The following TGDS variants were observed in gnomAD, a reference collection of about 807,000 sequenced individuals.
TGDS encodes TDP-glucose 4,6-dehydratase.
TGDS carries 47 observed loss-of-function variants against 52.3 expected under a neutral mutation model. The observed-to-expected ratio is 0.90, with a 90% CI of 0.71 to 1.15. TGDS has a LOEUF of 1.15. Among genes scored for constraint, TGDS ranks in the 50% most tolerant of loss-of-function variants. TGDS has a pLI of 0.00. For synonymous variants in TGDS, 115 were observed against 136.9 expected (o/e 0.84, Z 1.12); for missense variants, 375 against 418.4 (o/e 0.90, Z 0.90).
rs937003782 is a variant in TGDS at position 94,596,097 on chromosome 13, C to T, written c.40G>A (p.Gly14Ser). ...ACWEEPWGLP[G>S]GFAKRVLVTG... is the part of the protein sequence containing the mutation. ...ACCAGGACCCGCTTCGCAAAGCCGC[C>T]GGGAAGACCCCACGGTTCCTCCCAA... Residue 14 changes from glycine (G) to serine (S), a missense_variant, in exon 1 of 12, where the codon GGC becomes AGC. By Grantham distance (56) the Gly-to-Ser change is moderately conservative. Coordinates refer to ENST00000261296, the MANE Select transcript of TGDS (RefSeq NM_014305.4). 6.2e-7 allele frequency: 1 copy of T among 1,614,134 alleles called. No homozygotes were observed. Among genetic ancestry groups the T allele is most frequent in the Non-Finnish European group, 8.5e-7 (1 of 1,180,006 alleles).
At chr13:94,576,713 CAAAT>C (rs1888615440) in intron 10 of TGDS, among the ~76,000 whole-genome samples, 1 of 152,070 alleles carries the variant, frequency 6.6e-6, no homozygotes. Flanking sequence ...ACTAAATAAA[CAAAT>C]ACACAAAAAC....
chr13:94,592,404 G>GTAACCA, intron 2 of TGDS, 95 bp from the exon 3 acceptor site: 1 of 934,336 alleles, frequency 1.1e-6, no homozygotes, highest in Non-Finnish European at 1.6e-6. Flanking sequence ...AGATGTTACT[G>GTAACCA]GTTACAATAC....
intron 4 of TGDS, among the ~76,000 whole-genome samples, chr13:94,584,732 T>C (rs1888920627): frequency 6.6e-6 from 1 of 152,168 alleles, no homozygotes; most frequent in South Asian, 2.1e-4. Flanking sequence ...TGAAACATCC[T>C]ATCAAACCAG....
intron 4 of TGDS, among the ~76,000 whole-genome samples, chr13:94,587,150 T>C (rs1268092002): frequency 8.6e-5 from 12 of 140,024 alleles, no homozygotes; most frequent in Admixed American, 7.5e-4. Flanking sequence ...AGTAAATTTA[T>C]AGTCTAAAAT....
At chr13:94,589,375 T>C in intron 4 of TGDS, among the ~76,000 whole-genome samples, 1 of 150,766 alleles carries the variant, frequency 6.6e-6, no homozygotes, top group Non-Finnish European at 1.5e-5. Context: ...AGTGCAGTGG[T>C]GCAACCTCAG....
intron 9 of TGDS, 85 bp from the exon 10 acceptor site, chr13:94,577,514 AAAC>A (rs1888642362): frequency 9.1e-7 from 1 of 1,093,660 alleles, no homozygotes; most frequent in African/African-American, 1.6e-5. Flanking sequence ...ATTAAAAAGA[AAAC>A]AACTGCCTCA....
rs150186125 is a variant in TGDS at position 94,588,421 on chromosome 13, C to CAAAAAAAAAAAAAAAAAAAAA, written c.313+2411_313+2431dup. On this transcript the variant is annotated intron_variant, in intron 4 of 11. Transcript: ENST00000261296. Reference sequence around the variant, plus strand: ...CTGGGCAATCAGCGAGACTCTGTCTCAAAAAAAAAAAAAAAAAAAAAAAAA... The same window carrying CAAAAAAAAAAAAAAAAAAAAA: ...CTGGGCAATCAGCGAGACTCTGTCTCAAAAAAAAAAAAAAAAAAAAAAAAAAAAAAAAAAAAAAAAAAAAAA... Among the ~76,000 whole-genome samples the CAAAAAAAAAAAAAAAAAAAAA allele has an allele frequency of 1.0e-4, 6 of 58,492 alleles. 1 individual carries two copies. Among genetic ancestry groups the CAAAAAAAAAAAAAAAAAAAAA allele is most frequent in the African/African-American group, 2.1e-4 (3 of 14,382 alleles). 38.4% of individuals were successfully genotyped at this position (58,492 alleles called of 152,430 possible).
intron 1 of TGDS, 58 bp from the exon 2 acceptor site, chr13:94,593,965 A>G (rs1379841712): frequency 1.6e-5 from 17 of 1,094,770 alleles, no homozygotes; most frequent in Admixed American, 2.5e-5. Context: ...AAACTCTTGA[A>G]TATTTTCCTA....
rs374669948 is a variant in TGDS at position 94,590,867 on chromosome 13, G to C, written c.299C>G (p.Ala100Gly). The change falls in exon 4 of 12, where the codon GCA becomes GGA. Residue 100 changes from alanine (A) to glycine (G), a missense_variant. Transcript: ENST00000261296. ...ACAATGCTTACCTACATGTGTTTGT[G>C]CGGCAAAATGTAGTACTATATCTAT... ...EKIDIVLHFA[A>G]QTHVDLSFVR... 1 of 1,567,488 alleles carries C rather than the reference G, an allele frequency of 6.4e-7. No homozygotes were observed. The highest frequency in any genetic ancestry group is 1.2e-5 in the South Asian group (1 of 81,446).
Position 94,574,196 on chromosome 13 carries a change from C to G in TGDS, c.*586G>C, listed in dbSNP as rs772204921. 3 of 151,952 alleles carry G rather than the reference C, an allele frequency of 2.0e-5. No individual in the cohort carries two copies. Among genetic ancestry groups the G allele is most frequent in the Non-Finnish European group, 2.9e-5 (2 of 67,988 alleles). 9.4% of individuals were successfully genotyped at this position (151,952 alleles called of 1,614,324 possible). Reference sequence around the variant, plus strand: ...CAGTAAACATGATAAATTTCTGATACAAGGTTTTACATACGTTAATTGTGA... The same window carrying G: ...CAGTAAACATGATAAATTTCTGATAGAAGGTTTTACATACGTTAATTGTGA... On this transcript the variant is annotated 3_prime_UTR_variant, in exon 12 of 12. Transcript: ENST00000261296.
At chr13:94,583,618 A>C (rs1888878223) in intron 4 of TGDS, among the ~76,000 whole-genome samples, 1 of 152,210 alleles carries the variant, frequency 6.6e-6, no homozygotes, top group Non-Finnish European at 1.5e-5. Context: ...TGAGTTATTT[A>C]AACATAAATT....
chr13:94,587,225 T>A (rs1473122112), intron 4 of TGDS, among the ~76,000 whole-genome samples: 1 of 151,888 alleles, frequency 6.6e-6, no homozygotes, highest in Non-Finnish European at 1.5e-5. Flanking sequence ...GAAAAAAGAA[T>A]AGAAAGTAAG....
intron 4 of TGDS, among the ~76,000 whole-genome samples, chr13:94,586,847 C>T (rs1252453983): frequency 6.7e-6 from 1 of 148,856 alleles, no homozygotes; most frequent in African/African-American, 2.5e-5. Context: ...CAACCGCCAC[C>T]TCTTGGGCTC....
Position 94,574,825 on chromosome 13 carries a change from T to G in TGDS, c.1010A>C (p.Asn337Thr), listed in dbSNP as rs1359364582. 1 of 1,605,982 alleles carries G rather than the reference T, an allele frequency of 6.2e-7. No homozygotes were observed. The highest frequency in any genetic ancestry group is 1.3e-5 in the African/African-American group (1 of 74,472). The change falls in exon 12 of 12, where the codon AAC becomes ACC. Residue 337 changes from asparagine to threonine, a missense_variant. Physicochemically the swap from Asn to Thr is moderately conservative, Grantham distance 65 (BLOSUM62 0). Coordinates refer to ENST00000261296, the MANE Select transcript of TGDS (RefSeq NM_014305.4). Reference protein sequence around the residue: ...TIEWYRENFHNWKNVEKALEP... With the variant: ...TIEWYRENFHTWKNVEKALEP... ...TAATGCCTTTTCCACATTCTTCCAGTTGTGAAAATTCTCTCTGTACCATTC... is the reference window on the plus strand; with the variant it reads ...TAATGCCTTTTCCACATTCTTCCAGGTGTGAAAATTCTCTCTGTACCATTC...
chr13:94,596,251 C>T, upstream of TGDS: 4 of 1,183,744 alleles, frequency 3.4e-6, no homozygotes, highest in Non-Finnish European at 2.4e-6. Context: ...ACAGAGCAGC[C>T]AGAGGCAGCT....
intron 4 of TGDS, among the ~76,000 whole-genome samples, 198 bp from the exon 5 acceptor site, chr13:94,583,434 C>T (rs2139525783): frequency 6.6e-6 from 1 of 152,186 alleles, no homozygotes; most frequent in Middle Eastern, 3.4e-3. Flanking sequence ...TGTAAATTCT[C>T]AGAACCCAGA....
chr13:94,575,371 G>C (rs573427228), intron 11 of TGDS, among the ~76,000 whole-genome samples: 2 of 149,576 alleles, frequency 1.3e-5, no homozygotes, highest in East Asian at 3.9e-4. Context: ...TTCACTATAG[G>C]CCCAAACTCC....
chr13:94,587,181 G>A (rs1253569044), intron 4 of TGDS, among the ~76,000 whole-genome samples: 1 of 141,246 alleles, frequency 7.1e-6, no homozygotes, highest in Non-Finnish European at 1.5e-5. Context: ...GAGAAAACGT[G>A]AAAATTAATA....
At chr13:94,586,292 G>C (rs1000764907) in intron 4 of TGDS, among the ~76,000 whole-genome samples, 4 of 152,010 alleles carry the variant, frequency 2.6e-5, no homozygotes, top group Admixed American at 1.3e-4. Flanking sequence ...CATAAAACTA[G>C]AGAAAGTTTG....
Sources: allele counts gnomAD v4.1 joint callset (sites outside exome capture counted in the v4.1 genomes callset), GRCh38; gene constraint gnomAD v4.1.1; transcripts MANE v1.5; gene names NCBI Gene and HGNC (gene_info 2026-07-23, HGNC 2026-07-21).